Variants in FOXO1 observed in about 807,000 individuals in gnomAD.
FOXO1 encodes the protein forkhead box protein O1.
FOXO1 carries 6 observed loss-of-function variants against 44.1 expected under a neutral mutation model. The ratio of observed to expected loss-of-function variants is 0.14; its 90% CI spans 0.07 to 0.27. FOXO1 has a LOEUF of 0.27. Ranked by LOEUF, FOXO1 falls within the 10% of genes least tolerant of loss-of-function variation. The pLI is 1.00. For synonymous variants in FOXO1, 380 were observed against 362.7 expected, an observed-to-expected ratio of 1.05 and a Z score of -0.54; for missense variants, 737 against 888.8, an observed-to-expected ratio of 0.83 and a Z score of 2.17.
At chr13:40,641,688 T>TA (rs1157444020) in intron 1 of FOXO1, among the ~76,000 whole-genome samples, 2 of 152,040 alleles carry the variant, frequency 1.3e-5, no homozygotes, top group Non-Finnish European at 2.9e-5. Flanking sequence ...AGACCTAGGT[T>TA]AAAAACCCAC....
chr13:40,636,517 C>CTTTTTTTT (rs376651061), intron 1 of FOXO1, among the ~76,000 whole-genome samples: 1 of 121,976 alleles, frequency 8.2e-6, no homozygotes, highest in Non-Finnish European at 1.7e-5. Flanking sequence ...TTTTCAAAAA[C>CTTTTTTTT]TTTTTTTTTT....
At chr13:40,636,279 C>A (rs1260663816) in intron 1 of FOXO1, among the ~76,000 whole-genome samples, 1 of 152,018 alleles carries the variant, frequency 6.6e-6, no homozygotes, top group Non-Finnish European at 1.5e-5. Context: ...ACAAGCTGTA[C>A]AACCTCAAAC....
chr13:40,647,842 T>G (rs1048325765), intron 1 of FOXO1, among the ~76,000 whole-genome samples: 2 of 152,236 alleles, frequency 1.3e-5, no homozygotes, highest in African/African-American at 2.4e-5. Context: ...GCTCCAGGAC[T>G]GTTCCAGCTG....
At chr13:40,574,715 A>G (rs1464752265) in intron 1 of FOXO1, among the ~76,000 whole-genome samples, 3 of 152,172 alleles carry the variant, frequency 2.0e-5, no homozygotes, top group Non-Finnish European at 4.4e-5. Flanking sequence ...GAGAAAACTA[A>G]TTTAGCTAAA....
chr13:40,603,444 ATGTG>A (rs1254448308), intron 1 of FOXO1, among the ~76,000 whole-genome samples: 1 of 151,378 alleles, frequency 6.6e-6, no homozygotes, highest in Non-Finnish European at 1.5e-5. Flanking sequence ...TACCTTATAT[ATGTG>A]TGTGTGTCTG....
rs143204786 is a variant in FOXO1 at position 40,615,741 on chromosome 13, C to T, written c.630+49842G>A. Among the ~76,000 whole-genome samples, 891 of 152,044 alleles carry T rather than the reference C, an allele frequency of 5.9e-3. 3 individuals are homozygous for T. The highest frequency in any genetic ancestry group is 9.5e-3 in the Non-Finnish European group (644 of 67,976). ...TGGGGAAGAGTGTTCCAAAGAGAGG[C>T]AAGGGATGGTGCCAAAGCCCCGAGG... On this transcript the variant is annotated intron_variant, in intron 1 of 2. Coordinates refer to ENST00000379561, the MANE Select transcript of FOXO1 (RefSeq NM_002015.4).
At chr13:40,592,191 C>A (rs1875400394) in intron 1 of FOXO1, among the ~76,000 whole-genome samples, 2 of 152,134 alleles carry the variant, frequency 1.3e-5, no homozygotes, top group South Asian at 4.1e-4. Context: ...AATGTGCAAT[C>A]CCCATCTTAT....
intron 1 of FOXO1, among the ~76,000 whole-genome samples, chr13:40,660,943 C>G (rs1264046303): frequency 7.7e-6 from 1 of 130,194 alleles, no homozygotes; most frequent in East Asian, 2.4e-4. Context: ...GACCCTGGCT[C>G]AGAAAAACAA....
chr13:40,611,110 G>T (rs913215010), intron 1 of FOXO1: 1 of 453,166 alleles, frequency 2.2e-6, no homozygotes, highest in Non-Finnish European at 4.4e-6. Context: ...ACTGCACATA[G>T]GCTGTAAAAC....
chr13:40,616,509 A>G (rs1325889360), intron 1 of FOXO1, among the ~76,000 whole-genome samples: 1 of 152,252 alleles, frequency 6.6e-6, no homozygotes, highest in Non-Finnish European at 1.5e-5. Flanking sequence ...AAAGGATTTC[A>G]GAAGAAGAGG....
intron 1 of FOXO1, among the ~76,000 whole-genome samples, chr13:40,621,754 C>A (rs1052570924): frequency 5.3e-5 from 8 of 152,150 alleles, no homozygotes; most frequent in African/African-American, 1.9e-4. Context: ...TCTAAATAAG[C>A]TTTTCATTAA....
At chr13:40,581,209 T>G (rs1439725580) in intron 1 of FOXO1, among the ~76,000 whole-genome samples, 1 of 152,088 alleles carries the variant, frequency 6.6e-6, no homozygotes, top group Non-Finnish European at 1.5e-5. Context: ...AAACCTGAAG[T>G]GACACTGCTT....
intron 1 of FOXO1, among the ~76,000 whole-genome samples, chr13:40,646,883 C>T (rs1476353639): frequency 6.6e-6 from 1 of 152,128 alleles, no homozygotes; most frequent in South Asian, 2.1e-4. Context: ...CGTGAGCCAC[C>T]GCGCCCGGCC....
chr13:40,573,251 C>G (rs530771575), intron 1 of FOXO1, among the ~76,000 whole-genome samples: 23 of 152,226 alleles, frequency 1.5e-4, no homozygotes, highest in Non-Finnish European at 3.2e-4. Context: ...GTCACTGGCA[C>G]TCCACCAGAT....
intron 1 of FOXO1, among the ~76,000 whole-genome samples, chr13:40,664,452 C>T (rs147839155): frequency 2.6e-5 from 4 of 152,076 alleles, no homozygotes; most frequent in Middle Eastern, 6.8e-3. Flanking sequence ...GTGCCTGCCC[C>T]CACGCTAAGT....
At chr13:40,653,778 G>A (rs1877762728) in intron 1 of FOXO1, among the ~76,000 whole-genome samples, 1 of 152,048 alleles carries the variant, frequency 6.6e-6, no homozygotes, top group South Asian at 2.1e-4. Flanking sequence ...TCACCAGTAA[G>A]TACTTTGTAA....
chr13:40,657,422 C>T (rs1877894857), intron 1 of FOXO1, among the ~76,000 whole-genome samples: 1 of 151,236 alleles, frequency 6.6e-6, no homozygotes, highest in Admixed American at 6.6e-5. Flanking sequence ...CAACCCCCTG[C>T]CCCAAGTTCA....
At chr13:40,613,669 C>A (rs544643549) in intron 1 of FOXO1, among the ~76,000 whole-genome samples, 8 of 152,174 alleles carry the variant, frequency 5.3e-5, no homozygotes, top group Admixed American at 2.0e-4. Context: ...TGGATGATTA[C>A]GGCGTCAGCA....
chr13:40,648,794 T>C (rs1332661702), intron 1 of FOXO1, among the ~76,000 whole-genome samples: 1 of 152,198 alleles, frequency 6.6e-6, no homozygotes, highest in Non-Finnish European at 1.5e-5. Flanking sequence ...TGAATAACCA[T>C]AAATCCAAAA....
Sources: gnomAD v4.1 joint callset for allele counts (sites outside exome capture counted in the v4.1 genomes callset) on GRCh38, gnomAD v4.1.1 for gene constraint, MANE v1.5 for transcripts, NCBI Gene and HGNC (gene_info 2026-07-23, HGNC 2026-07-21) for gene names.